Variants in INPP5B observed in about 807,000 individuals in gnomAD.
INPP5B encodes the protein type II inositol 1,4,5-trisphosphate 5-phosphatase.
Under a neutral mutation model 118.5 loss-of-function variants are expected in INPP5B, and 90 were observed. The observed-to-expected ratio is 0.76, with a 90% CI of 0.64 to 0.90. The LOEUF (loss-of-function observed/expected upper bound fraction) is 0.90. Ranked by LOEUF, INPP5B falls within the 40% of genes least tolerant of loss-of-function variation. The probability of loss-of-function intolerance (pLI) is 0.00; values close to 1 mark genes in which losing one functional copy is unlikely to be tolerated. For synonymous variants in INPP5B, 385 were observed against 418.9 expected, an observed-to-expected ratio of 0.92 and a Z score of 0.99; for missense variants, 984 against 1,125.6, an observed-to-expected ratio of 0.87 and a Z score of 1.80.
intron 8 of INPP5B, among the ~76,000 whole-genome samples, chr1:37,890,507 A>G (rs540008850): frequency 2.0e-5 from 3 of 152,340 alleles, no homozygotes; most frequent in Admixed American, 2.0e-4. Flanking sequence ...TTATAGTCGT[A>G]ACTAAAATAC....
intron 11 of INPP5B, 66 bp from the exon 12 acceptor site, chr1:37,887,070 T>C (rs1484725788): frequency 9.8e-6 from 13 of 1,329,008 alleles, no homozygotes; most frequent in Non-Finnish European, 1.3e-5. Context: ...AAAGGAAACA[T>C]AGTCTGGAAG....
At chr1:37,877,630 T>C (rs917574390) in intron 16 of INPP5B, among the ~76,000 whole-genome samples, 6 of 152,218 alleles carry the variant, frequency 3.9e-5, no homozygotes, top group Admixed American at 6.5e-5. Context: ...TCTATAGAAA[T>C]ACACTGATAC....
At chr1:37,870,703 A>C (rs1642359811) in intron 19 of INPP5B, 1 of 152,550 alleles carries the variant, frequency 6.6e-6, no homozygotes, top group African/African-American at 2.4e-5. Context: ...TTGATCTTGG[A>C]CTTCTCAGTC....
intron 20 of INPP5B, among the ~76,000 whole-genome samples, chr1:37,867,065 T>G (rs4652969): frequency 0.26 from 39,624 of 151,914 alleles, 5,359 homozygotes; most frequent in Non-Finnish European, 0.28. Context: ...AACCCCGTCT[T>G]TAATAAAAAT....
chr1:37,867,639 A>G (rs1289053382), intron 20 of INPP5B, among the ~76,000 whole-genome samples: 1 of 152,234 alleles, frequency 6.6e-6, no homozygotes. Context: ...GAATATCATA[A>G]GAATGTATAT....
intron 21 of INPP5B, 72 bp downstream of exon 21, chr1:37,866,385 TTC>T (rs57019964): frequency 0.02 from 12,276 of 603,354 alleles, 34 homozygotes; most frequent in Middle Eastern, 0.053. Flanking sequence ...CTCACTCATA[TTC>T]TCTCTCTCTC....
chr1:37,901,209 T>C (rs946641713), intron 7 of INPP5B, among the ~76,000 whole-genome samples: 2 of 152,242 alleles, frequency 1.3e-5, no homozygotes, highest in Non-Finnish European at 2.9e-5. Context: ...TTCTGCTTCC[T>C]TGCCCAGTGC....
intron 6 of INPP5B, among the ~76,000 whole-genome samples, chr1:37,940,198 C>T (rs186484455): frequency 1.3e-5 from 2 of 152,314 alleles, no homozygotes; most frequent in African/African-American, 4.8e-5. Context: ...GGGCTAATGT[C>T]CCATTCTAAA....
rs544791111 is a variant in INPP5B at position 37,869,669 on chromosome 1, G to A, written c.2188-1055C>T. ...TAATTTTTTTATTTTTAGTAGAGAC[G>A]GGGGGTTTCACCATCTTGGCCAGGC... On this transcript the variant is annotated intron_variant, in intron 19 of 23. Transcript: ENST00000373024. Among the ~76,000 whole-genome samples the A allele has an allele frequency of 4.0e-5, 6 of 150,518 alleles. No homozygotes were observed. The South Asian group carries it at 6.3e-4, about 16-fold the overall frequency.
At chr1:37,919,742 C>T (rs1189135418) in intron 7 of INPP5B, among the ~76,000 whole-genome samples, 3 of 152,106 alleles carry the variant, frequency 2.0e-5, no homozygotes, top group Non-Finnish European at 2.9e-5. Flanking sequence ...AGTTCAAGAC[C>T]AGCCTGGCCA....
At chr1:37,913,344 C>G (rs1038644093) in intron 7 of INPP5B, among the ~76,000 whole-genome samples, 2 of 141,060 alleles carry the variant, frequency 1.4e-5, no homozygotes, top group African/African-American at 2.5e-5. Flanking sequence ...TATATGACAA[C>G]ATAAAAAAAC....
At chr1:37,940,183 C>T (rs1249729217) in intron 6 of INPP5B, among the ~76,000 whole-genome samples, 1 of 152,188 alleles carries the variant, frequency 6.6e-6, no homozygotes. Context: ...TCTCCTTTAC[C>T]TGCCGGGCTA....
Position 37,940,850 on chromosome 1 carries a change from T to C in INPP5B, c.281-52A>G, listed in dbSNP as rs368128700. 7.2e-5 allele frequency: 91 copies of C among 1,268,156 alleles called. No individual in the cohort carries two copies. The African/African-American group carries it at 1.2e-3, about 16-fold the overall frequency. The allele number at this position is 1,268,156 out of a possible 1,614,324, so 78.6% of individuals were successfully genotyped here. On this transcript the variant is annotated intron_variant, in intron 5 of 23. Coordinates refer to ENST00000373024, the MANE Select transcript of INPP5B (RefSeq NM_005540.3). ...CCTTGGCTGCCAGGAGCTAAGTGCT[T>C]GATGCAGCCTAAGCCTGAGAATGGA...
intron 15 of INPP5B, among the ~76,000 whole-genome samples, chr1:37,879,031 G>GCA (rs1643021351): frequency 6.6e-6 from 1 of 150,766 alleles, no homozygotes; most frequent in East Asian, 2.0e-4. Context: ...GCCAAGGCAG[G>GCA]GGGATCATGA....
chr1:37,901,624 GGTCTCTCAGGACA>G (rs1477750711), intron 7 of INPP5B, among the ~76,000 whole-genome samples: 1 of 152,058 alleles, frequency 6.6e-6, no homozygotes, highest in East Asian at 1.9e-4. Flanking sequence ...TCTCACAGGG[GGTCTCTCAGGACA>G]GTCCAGCAAG....
chr1:37,935,158 G>T (rs1474700912), intron 6 of INPP5B, among the ~76,000 whole-genome samples: 2 of 137,104 alleles, frequency 1.5e-5, no homozygotes, highest in African/African-American at 5.3e-5. Flanking sequence ...CCGAGATCGT[G>T]CCACTGCACT....
Position 37,941,245 on chromosome 1 carries a change from T to C in INPP5B, c.281-447A>G, listed in dbSNP as rs889062243. On this transcript the variant is annotated intron_variant, in intron 5 of 23. Transcript: ENST00000373024. ...GGGCCCGTCTCAGGGAGCTAGACTG[T>C]AGAAGGCTTCCCTATTCATAGCATA... Among the ~76,000 whole-genome samples, 3 of 152,100 alleles carry C rather than the reference T, an allele frequency of 2.0e-5. No homozygotes were observed. In the East Asian group the frequency reaches 5.8e-4, roughly 29 times the overall value.
At position 37,887,449 on chromosome 1, in the gene INPP5B, G is replaced by T; in HGVS notation, c.916C>A (p.Leu306Met). The T allele has an allele frequency of 1.2e-6, 2 of 1,608,664 alleles. No individual in the cohort carries two copies. The highest frequency in any genetic ancestry group is 1.1e-5 in the South Asian group (1 of 90,498). The change falls in exon 11 of 24, where the codon CTG (leucine) becomes ATG (methionine). Residue 306 changes from leucine (L) to methionine (M), a missense_variant. Coordinates refer to ENST00000373024, the MANE Select transcript of INPP5B (RefSeq NM_005540.3). ...TGAAAGAAAAAAGCTTCCTTACTCA[G>T]ATCAAGCTCCTGGAACCTATTTTGA... ...VYCVGFQELD[L>M]SKEAFFFHDT...
intron 7 of INPP5B, among the ~76,000 whole-genome samples, chr1:37,896,957 C>T (rs1221893750): frequency 8.3e-6 from 1 of 121,168 alleles, no homozygotes; most frequent in Non-Finnish European, 1.9e-5. Context: ...TCTGCCCGGC[C>T]AGCCGCCCCG....
Sources: allele counts gnomAD v4.1 joint callset (sites outside exome capture counted in the v4.1 genomes callset), GRCh38; gene constraint gnomAD v4.1.1; transcripts MANE v1.5; gene names NCBI Gene and HGNC (gene_info 2026-07-23, HGNC 2026-07-21).